The following KLHDC4 variants were observed in gnomAD, a reference collection of about 807,000 sequenced individuals.
The protein encoded by KLHDC4 is kelch domain-containing protein 4.
In KLHDC4, 90 loss-of-function variants were observed where a neutral mutation model predicts 62.4. That is an observed-to-expected ratio of 1.44 (90% CI 1.22 to 1.72). The LOEUF (loss-of-function observed/expected upper bound fraction) is 1.72, where lower values mean the gene tolerates loss of function less well. Among genes scored for constraint, KLHDC4 ranks in the 40% most tolerant of loss-of-function variants. The pLI, the probability that KLHDC4 is intolerant of heterozygous loss-of-function variation, is 0.00. For synonymous variants in KLHDC4, 386 were observed against 284.4 expected, an observed-to-expected ratio of 1.36 and a Z score of -3.59; for missense variants, 1,025 against 699.7, an observed-to-expected ratio of 1.47 and a Z score of -5.25.
chr16:87,733,279 G>C (rs1227173013), intron 5 of KLHDC4, among the ~76,000 whole-genome samples: 1 of 152,236 alleles, frequency 6.6e-6, no homozygotes, highest in Non-Finnish European at 1.5e-5. Flanking sequence ...CAGTGAGCAG[G>C]CGTGACTTTC....
chr16:87,759,802 A>C (rs1293685092), intron 2 of KLHDC4, among the ~76,000 whole-genome samples: 1 of 152,156 alleles, frequency 6.6e-6, no homozygotes, highest in African/African-American at 2.4e-5. Context: ...CTCACTGAAT[A>C]CCTATTGATT....
intron 2 of KLHDC4, among the ~76,000 whole-genome samples, chr16:87,760,655 C>G (rs1387163500): frequency 6.6e-6 from 1 of 151,204 alleles, no homozygotes; most frequent in Non-Finnish European, 1.5e-5. Context: ...AAACTAATCC[C>G]CATTCAAAGT....
chr16:87,726,141 G>A (rs1052619261), intron 7 of KLHDC4, among the ~76,000 whole-genome samples: 4 of 152,008 alleles, frequency 2.6e-5, no homozygotes, highest in African/African-American at 9.7e-5. Flanking sequence ...TCATGAAACT[G>A]AAGAGACCAC....
chr16:87,701,746 C>T (rs368762082), exon 1 of KLHDC4: 2 of 456,780 alleles, frequency 4.4e-6, no homozygotes, highest in Non-Finnish European at 4.4e-6. Flanking sequence ...CTATGCCGCC[C>T]GCCCGTCCTC....
In KLHDC4 at chr16:87,711,264, T is replaced by C. The variant is rs1369586157; in HGVS notation, c.1015A>G (p.Arg339Gly). The change falls in exon 9 of 12, where the codon AGG (arginine) becomes GGG (glycine). Residue 339 changes from arginine (R) to glycine (G), a missense_variant. Arg to Gly is a moderately radical substitution (Grantham distance 125). Coordinates refer to ENST00000270583, the MANE Select transcript of KLHDC4 (RefSeq NM_017566.4). ...AGCTGTCCCTCAAACCAACGGTTCCTGGTGGCGTCGTAGAAGTACAGATCG... is the reference window on the plus strand; with the variant it reads ...AGCTGTCCCTCAAACCAACGGTTCCCGGTGGCGTCGTAGAAGTACAGATCG... ...FNDLYFYDAT[R>G]NRWFEGQLKG... 6.2e-7 allele frequency: 1 copy of C among 1,614,120 alleles called. No homozygotes were observed. The highest frequency in any genetic ancestry group is 8.5e-7 in the Non-Finnish European group (1 of 1,180,032).
rs115714313 is a variant in KLHDC4, at chr16:87,747,412, T to C, written c.506+1261A>G. On this transcript the variant is annotated intron_variant, in intron 5 of 11. Transcript: ENST00000270583. Reference sequence around the variant, plus strand: ...AGCAAAAGGACAACTGTGTGCTGAGTGGAAATACGTGAGCTTCAAGATATA... The same window carrying C: ...AGCAAAAGGACAACTGTGTGCTGAGCGGAAATACGTGAGCTTCAAGATATA... 4.0e-3 allele frequency among the ~76,000 whole-genome samples: 611 copies of C among 152,290 alleles called. 3 individuals carry two copies. The highest frequency in any genetic ancestry group is 0.014 in the African/African-American group (579 of 41,558).
At chr16:87,704,683 C>T (rs573948481), downstream of KLHDC4, among the ~76,000 whole-genome samples, 3 of 152,190 alleles carry the variant, frequency 2.0e-5, no homozygotes, top group Non-Finnish European at 4.4e-5. Flanking sequence ...TGTCACCTAG[C>T]CAATGACATC....
At chr16:87,706,067 G>A (rs575405611), downstream of KLHDC4, among the ~76,000 whole-genome samples, 3 of 150,384 alleles carry the variant, frequency 2.0e-5, no homozygotes, top group South Asian at 2.1e-4. Context: ...TCGGCGGAAC[G>A]CAAACACAAG....
intron 5 of KLHDC4, among the ~76,000 whole-genome samples, chr16:87,740,429 G>A (rs993486616): frequency 6.6e-6 from 1 of 152,238 alleles, no homozygotes; most frequent in East Asian, 1.9e-4. Flanking sequence ...AGGAGCAGCC[G>A]CCTCCCCTCC....
chr16:87,728,310 A>T (rs568271731), intron 6 of KLHDC4, among the ~76,000 whole-genome samples: 2 of 152,256 alleles, frequency 1.3e-5, no homozygotes, highest in Non-Finnish European at 2.9e-5. Flanking sequence ...GGAAGCGTGT[A>T]ATCTTTAAAA....
exon 1 of KLHDC4, chr16:87,701,775 C>T: frequency 2.2e-6 from 1 of 456,816 alleles, no homozygotes; most frequent in Non-Finnish European, 4.4e-6. Context: ...GCACACCCGT[C>T]CGCCATCCTT....
chr16:87,730,002 G>A (rs1301083640), intron 6 of KLHDC4, among the ~76,000 whole-genome samples: 2 of 152,132 alleles, frequency 1.3e-5, no homozygotes, highest in Non-Finnish European at 2.9e-5. Flanking sequence ...CACCCAGGCT[G>A]GAGTTCAGTG....
In KLHDC4 at chr16:87,738,981, AT is replaced by A. The variant is rs1567759848; in HGVS notation, c.507-8338del. ...CCATCCACACACCAGCACCTCATCC[AT>A]CCACACACCAGCACCTCATCCATCC... is the stretch of plus-strand genomic sequence containing the variant. On this transcript the variant is annotated intron_variant, in intron 5 of 11. Transcript: ENST00000270583. Among the ~76,000 whole-genome samples the A allele has an allele frequency of 1.2e-4, 12 of 96,722 alleles. 1 individual carries two copies. Among genetic ancestry groups the A allele is most frequent in the Non-Finnish European group, 2.1e-4 (10 of 48,172 alleles). 63.5% of individuals were successfully genotyped at this position (96,722 alleles called of 152,430 possible). A position where few individuals can be genotyped will look rare whatever the true frequency, so the allele number is the denominator to read the frequency against.
At chr16:87,720,634 G>C (rs2142994374) in intron 7 of KLHDC4, among the ~76,000 whole-genome samples, 1 of 152,354 alleles carries the variant, frequency 6.6e-6, no homozygotes, top group South Asian at 2.1e-4. Flanking sequence ...ATGACGAGAG[G>C]ACCCCCGCCC....
chr16:87,758,706 G>C (rs2045400998), intron 2 of KLHDC4, among the ~76,000 whole-genome samples: 1 of 152,206 alleles, frequency 6.6e-6, no homozygotes, highest in South Asian at 2.1e-4. Flanking sequence ...CATGTTTTAA[G>C]AAAGTTTACA....
At chr16:87,764,872 G>A (rs529391511) in intron 1 of KLHDC4, among the ~76,000 whole-genome samples, 96 of 151,208 alleles carry the variant, frequency 6.3e-4, no homozygotes, top group African/African-American at 2.3e-3. Flanking sequence ...AGAGGAGTGT[G>A]AGGGAAAAGT....
In KLHDC4 at chr16:87,748,643, C is replaced by T. The variant is rs201913964; in HGVS notation, c.506+30G>A. On this transcript the variant is annotated intron_variant, in intron 5 of 11. Coordinates refer to ENST00000270583, the MANE Select transcript of KLHDC4 (RefSeq NM_017566.4). The stretch of plus-strand genomic sequence containing the variant: ...CACACAAGCACAGAAGAGCCATGCC[C>T]GGAGCTCAGCTTCTCATCTGGCTTC... The T allele has an allele frequency of 7.1e-5, 115 of 1,613,184 alleles. 1 individual carries two copies. The African/African-American group carries it at 7.5e-4, about 10-fold the overall frequency.
intron 7 of KLHDC4, among the ~76,000 whole-genome samples, chr16:87,720,529 C>A (rs1485624735): frequency 2.6e-5 from 3 of 116,680 alleles, no homozygotes; most frequent in African/African-American, 3.7e-5. Flanking sequence ...AGGTGATGAG[C>A]CCCTGCGGAG....
At chr16:87,759,781 C>T (rs1567835776) in intron 2 of KLHDC4, among the ~76,000 whole-genome samples, 1 of 152,180 alleles carries the variant, frequency 6.6e-6, no homozygotes, top group Admixed American at 6.5e-5. Flanking sequence ...TCCTCTGACC[C>T]TGAATCTTTT....
Sources: allele counts gnomAD v4.1 joint callset (sites outside exome capture counted in the v4.1 genomes callset), GRCh38; gene constraint gnomAD v4.1.1; transcripts MANE v1.5; gene names NCBI Gene and HGNC (gene_info 2026-07-23, HGNC 2026-07-21).